Variants in GASK1B observed in about 807,000 individuals in gnomAD.
GASK1B encodes golgi associated kinase 1B.
GASK1B carries 34 observed loss-of-function variants against 42.8 expected under a neutral mutation model. The observed-to-expected ratio is 0.79, with a 90% CI of 0.60 to 1.06. GASK1B has a LOEUF of 1.06. Ranked by LOEUF, GASK1B falls within the 50% of genes least tolerant of loss-of-function variation. The pLI, the probability that GASK1B is intolerant of heterozygous loss-of-function variation, is 0.00. For synonymous variants in GASK1B, 262 were observed against 259.1 expected (o/e 1.01, Z -0.11); for missense variants, 686 against 661.0 (o/e 1.04, Z -0.42).
intron 3 of GASK1B, among the ~76,000 whole-genome samples, chr4:158,154,165 GA>G (rs202053643): frequency 0.87 from 112,472 of 129,746 alleles, 49,005 homozygotes; most frequent in East Asian, 0.95. Flanking sequence ...AAATCAGCAA[GA>G]AAAAAAAAAA....
In GASK1B at chr4:158,125,047, G is replaced by T. The variant is rs1469687803; in HGVS notation, c.*2360C>A. 6.6e-6 allele frequency: 1 copy of T among 152,040 alleles called. No individual in the cohort carries two copies. Among genetic ancestry groups the T allele is most frequent in the African/African-American group, 2.4e-5 (1 of 41,422 alleles). The allele number at this position is 152,040 out of a possible 1,614,324, so 9.4% of individuals were successfully genotyped here. A position where few individuals can be genotyped will look rare whatever the true frequency, so the allele number is the denominator to read the frequency against. ...TGTGAATAAAACCACAGCATAATCG[G>T]AGTGCATTTGAAATGCACAGAGTAT... On this transcript the variant is annotated 3_prime_UTR_variant, in exon 5 of 5. Coordinates refer to ENST00000585682, the MANE Select transcript of GASK1B (RefSeq NM_001128424.2).
At chr4:158,163,631 C>T (rs1040492612) in intron 2 of GASK1B, among the ~76,000 whole-genome samples, 2 of 151,386 alleles carry the variant, frequency 1.3e-5, no homozygotes, top group African/African-American at 4.9e-5. Flanking sequence ...TACATATTAA[C>T]TCATTTCATT....
chr4:158,146,060 C>T (rs562779474), intron 3 of GASK1B, among the ~76,000 whole-genome samples: 13 of 152,106 alleles, frequency 8.5e-5, no homozygotes, highest in African/African-American at 2.4e-4. Flanking sequence ...ACTAAATATA[C>T]GTGTATTGTG....
At chr4:158,142,456 A>G (rs149296829) in intron 3 of GASK1B, among the ~76,000 whole-genome samples, 50 of 152,334 alleles carry the variant, frequency 3.3e-4, no homozygotes, top group African/African-American at 1.2e-3. Flanking sequence ...AAAGTCAGCA[A>G]ATTAGGTCAT....
intron 2 of GASK1B, among the ~76,000 whole-genome samples, chr4:158,162,779 G>A (rs932511948): frequency 3.3e-5 from 5 of 152,198 alleles, no homozygotes; most frequent in East Asian, 1.9e-4. Context: ...GGGATCAGGC[G>A]ACAAGGCAAT....
At chr4:158,155,914 A>C in intron 2 of GASK1B, 89 bp from the exon 3 acceptor site, 46 of 989,356 alleles carry the variant, frequency 4.6e-5, no homozygotes, top group Non-Finnish European at 6.2e-5. Context: ...TCACAGTCTC[A>C]CGCTCACCTA....
Position 158,130,946 on chromosome 4 carries a change from T to C in GASK1B, c.1192A>G (p.Asn398Asp). 2.5e-6 allele frequency: 4 copies of C among 1,614,094 alleles called. No homozygotes were observed. Residue 398 changes from asparagine (N) to aspartate (D), a missense_variant, in exon 4 of 5, where the codon AAT (asparagine) becomes GAT (aspartate). Physicochemically the swap from Asn to Asp is conservative, Grantham distance 23. Coordinates refer to ENST00000585682, the MANE Select transcript of GASK1B (RefSeq NM_001128424.2). The part of the protein sequence containing the change: ...RPRKEDACVQ[N>D]GLRPKCDDQG... ...TCATCACATTTTGGCCTCAATCCAT[T>C]CTGTACACAGGCATCTTCCTTGCGA...
chr4:158,170,272 C>T (rs150507892), intron 2 of GASK1B, 194 bp downstream of exon 2: 21 of 1,614,202 alleles, frequency 1.3e-5, no homozygotes, highest in Non-Finnish European at 1.8e-5. Context: ...ACAGCATTTC[C>T]CTGGAACTCT....
At chr4:158,153,126 G>A (rs1731620276) in intron 3 of GASK1B, among the ~76,000 whole-genome samples, 1 of 152,068 alleles carries the variant, frequency 6.6e-6, no homozygotes, top group Non-Finnish European at 1.5e-5. Flanking sequence ...AAAACTTCTA[G>A]AACTGATAAA....
chr4:158,140,940 T>G (rs905140340), intron 3 of GASK1B, among the ~76,000 whole-genome samples: 1 of 152,226 alleles, frequency 6.6e-6, no homozygotes, highest in Non-Finnish European at 1.5e-5. Flanking sequence ...CAGTTTTGAT[T>G]AATAATAAAA....
chr4:158,141,547 G>C (rs558358510), intron 3 of GASK1B, among the ~76,000 whole-genome samples: 44 of 149,154 alleles, frequency 2.9e-4, no homozygotes, highest in African/African-American at 1.0e-3. Flanking sequence ...CTAGAAAAAT[G>C]ATGTTAATGC....
intron 3 of GASK1B, among the ~76,000 whole-genome samples, chr4:158,132,057 T>C (rs1287836044): frequency 6.6e-6 from 1 of 152,174 alleles, no homozygotes; most frequent in Admixed American, 6.5e-5. Flanking sequence ...AATTTATCCA[T>C]TTTAAATGAA....
At chr4:158,154,246 G>C (rs547413587) in intron 3 of GASK1B, among the ~76,000 whole-genome samples, 2 of 151,156 alleles carry the variant, frequency 1.3e-5, no homozygotes, top group South Asian at 4.2e-4. Flanking sequence ...ATATACAAAT[G>C]GTCAACAAAC....
At chr4:158,146,041 T>G in intron 3 of GASK1B, among the ~76,000 whole-genome samples, 1 of 152,334 alleles carries the variant, frequency 6.6e-6, no homozygotes, top group Middle Eastern at 3.4e-3. Flanking sequence ...ATTCTCTTCC[T>G]TTAACAAAAC....
intron 3 of GASK1B, among the ~76,000 whole-genome samples, chr4:158,134,064 G>T (rs1021624198): frequency 6.6e-6 from 1 of 152,122 alleles, no homozygotes; most frequent in Non-Finnish European, 1.5e-5. Flanking sequence ...AAGGGCTTAC[G>T]TACCTCTTAA....
chr4:158,127,455 G>A lies in GASK1B; in HGVS notation c.1512C>T (p.Ile504=). The A allele has an allele frequency of 1.2e-6, 2 of 1,613,684 alleles. No individual in the cohort carries two copies. The highest frequency in any genetic ancestry group is 1.7e-6 in the Non-Finnish European group (2 of 1,179,690). Residue 504 remains isoleucine (I), a synonymous_variant, in exon 5 of 5, where the codon ATC becomes ATT. Transcript: ENST00000585682. ...DVIEHRAKIL[I]TYINAHGVKV... ...TGACCCCGTGTGCATTGATATAGGTGATAAGAATTTTGGCTCTGTGTTCTA... is the reference window on the plus strand; with the variant it reads ...TGACCCCGTGTGCATTGATATAGGTAATAAGAATTTTGGCTCTGTGTTCTA...
intron 2 of GASK1B, chr4:158,170,134 C>T: frequency 8.4e-7 from 1 of 1,194,064 alleles, no homozygotes; most frequent in South Asian, 1.5e-5. Context: ...TGCCTCCAGC[C>T]TAGCTTCCTC....
At chr4:158,163,579 A>G (rs560076527) in intron 2 of GASK1B, among the ~76,000 whole-genome samples, 53 of 152,302 alleles carry the variant, frequency 3.5e-4, no homozygotes, top group African/African-American at 1.2e-3. Context: ...AGAAAAAAAA[A>G]AAAAAAGAGT....
At chr4:158,133,562 T>A (rs892519731) in intron 3 of GASK1B, among the ~76,000 whole-genome samples, 1 of 152,206 alleles carries the variant, frequency 6.6e-6, no homozygotes. Flanking sequence ...TAAGGCCCTT[T>A]CAGTACTTCT....
Sources: gnomAD v4.1 joint callset for allele counts (sites outside exome capture counted in the v4.1 genomes callset) on GRCh38, gnomAD v4.1.1 for gene constraint, MANE v1.5 for transcripts, NCBI Gene and HGNC (gene_info 2026-07-23, HGNC 2026-07-21) for gene names.